Variants in RANBP9 observed in about 807,000 individuals in gnomAD.
The protein encoded by RANBP9 is ran-binding protein 9.
In RANBP9, 15 loss-of-function variants were observed where a neutral mutation model predicts 84.3. The observed-to-expected ratio is 0.18, with a 90% CI of 0.12 to 0.27. The LOEUF is 0.27. RANBP9 is among the 10% of genes least tolerant of loss of function. RANBP9 has a pLI of 1.00. For missense variants in RANBP9, 809 were observed against 912.8 expected, an observed-to-expected ratio of 0.89 and a Z score of 1.46; for synonymous variants, 392 against 349.6, an observed-to-expected ratio of 1.12 and a Z score of -1.35.
intron 2 of RANBP9, among the ~76,000 whole-genome samples, chr6:13,673,411 A>G (rs1765817574): frequency 6.6e-6 from 1 of 152,274 alleles, no homozygotes; most frequent in South Asian, 2.1e-4. Context: ...TTCTTCAGAG[A>G]AAAGGAAAAT....
At chr6:13,708,588 T>C (rs1758189151) in intron 1 of RANBP9, among the ~76,000 whole-genome samples, 1 of 152,204 alleles carries the variant, frequency 6.6e-6, no homozygotes, top group Non-Finnish European at 1.5e-5. Context: ...AATATATGAA[T>C]AGTAGTTTTT....
chr6:13,622,288 C>T lies in RANBP9; in HGVS notation c.*74G>A. 7.4e-7 allele frequency: 1 copy of T among 1,344,868 alleles called. No homozygotes were observed. The highest frequency in any genetic ancestry group is 9.7e-7 in the Non-Finnish European group (1 of 1,033,582). The allele number at this position is 1,344,868 out of a possible 1,614,324, so 83.3% of individuals were successfully genotyped here. On this transcript the variant is annotated 3_prime_UTR_variant, in exon 14 of 14. Transcript: ENST00000011619. ...TACATAATTTAAAAAATCTAAATTTCAAATCAGCAGAGCTGGTCTACTTCC... is the reference window on the plus strand; with the variant it reads ...TACATAATTTAAAAAATCTAAATTTTAAATCAGCAGAGCTGGTCTACTTCC...
Position 13,707,665 on chromosome 6 carries a change from A to G in RANBP9, c.571+3270T>C, listed in dbSNP as rs191979558. Reference sequence around the variant, plus strand: ...TAACCTCCAGGTTCTACCACTCTCTAAAATTTAAAATGAAAATTCCAGGAT... The same window carrying G: ...TAACCTCCAGGTTCTACCACTCTCTGAAATTTAAAATGAAAATTCCAGGAT... On this transcript the variant is annotated intron_variant, in intron 1 of 13. Coordinates refer to ENST00000011619, the MANE Select transcript of RANBP9 (RefSeq NM_005493.3). 3.3e-5 allele frequency among the ~76,000 whole-genome samples: 5 copies of G among 152,330 alleles called. No individual in the cohort carries two copies. In the East Asian group the frequency reaches 9.6e-4, roughly 29 times the overall value.
intron 2 of RANBP9, among the ~76,000 whole-genome samples, chr6:13,660,590 G>C (rs1354657172): frequency 6.6e-6 from 1 of 152,118 alleles, no homozygotes; most frequent in Admixed American, 6.5e-5. Flanking sequence ...TACATTTCAA[G>C]ACATATTCCA....
chr6:13,657,340 A>G, intron 3 of RANBP9, 64 bp from the exon 4 acceptor site: 1 of 1,371,880 alleles, frequency 7.3e-7, no homozygotes, highest in Non-Finnish European at 1.0e-6. Context: ...AGGTTTATTC[A>G]CTAAGATTAT....
intron 1 of RANBP9, among the ~76,000 whole-genome samples, chr6:13,701,394 G>C (rs1267013130): frequency 6.6e-6 from 1 of 152,018 alleles, no homozygotes. Context: ...CCTCTCAATG[G>C]CTTAGTCCAC....
intron 2 of RANBP9, among the ~76,000 whole-genome samples, chr6:13,667,672 T>C (rs1765683095): frequency 6.6e-6 from 1 of 152,166 alleles, no homozygotes; most frequent in Non-Finnish European, 1.5e-5. Context: ...TTCCCTATTG[T>C]AACACAATAA....
chr6:13,656,285 T>C (rs1225509886), intron 4 of RANBP9, among the ~76,000 whole-genome samples: 1 of 152,172 alleles, frequency 6.6e-6, no homozygotes. Flanking sequence ...CCTTTCATTT[T>C]ACCTCATTAA....
chr6:13,625,265 C>G (rs1053842181), intron 13 of RANBP9, among the ~76,000 whole-genome samples: 5 of 152,136 alleles, frequency 3.3e-5, no homozygotes, highest in African/African-American at 1.2e-4. Context: ...AAATCAGTGG[C>G]AGAAAATGCC....
At chr6:13,687,889 A>G (rs1181501891) in intron 2 of RANBP9, among the ~76,000 whole-genome samples, 1 of 152,248 alleles carries the variant, frequency 6.6e-6, no homozygotes, top group Non-Finnish European at 1.5e-5. Context: ...AACACCCATT[A>G]GCATTAGAAG....
chr6:13,675,816 C>A (rs1765873935), intron 2 of RANBP9, among the ~76,000 whole-genome samples: 1 of 150,648 alleles, frequency 6.6e-6, no homozygotes, highest in Non-Finnish European at 1.5e-5. Flanking sequence ...AATACTGATC[C>A]CAGACATTAA....
chr6:13,636,804 G>A (rs145592743), intron 10 of RANBP9, among the ~76,000 whole-genome samples: 8 of 152,060 alleles, frequency 5.3e-5, no homozygotes, highest in African/African-American at 1.7e-4. Flanking sequence ...GTAAATTTTT[G>A]TCACGTGTGA....
Position 13,644,720 on chromosome 6 carries a change from A to G in RANBP9, c.937T>C (p.Tyr313His). The change falls in exon 6 of 14, where the codon TAT (tyrosine) becomes CAT (histidine). Residue 313 changes from tyrosine to histidine, a missense_variant. Around this residue, in one of 5 missense-constraint regions of RANBP9, gnomAD observed 216 missense variants for 329.0 expected, o/e 0.66. Transcript: ENST00000011619. Reference sequence around the variant, plus strand: ...GGTGTTTGAAGCCCCACAGTAGGATACAAATTTGGCTGTAAGATAGCATAT... The same window carrying G: ...GGTGTTTGAAGCCCCACAGTAGGATGCAAATTTGGCTGTAAGATAGCATAT... ...IAFTDLPPNL[Y>H]PTVGLQTPGE... is the part of the protein sequence containing the mutation. 1 of 1,596,208 alleles carries G rather than the reference A, an allele frequency of 6.3e-7. No individual in the cohort carries two copies. Among genetic ancestry groups the G allele is most frequent in the Non-Finnish European group, 8.5e-7 (1 of 1,172,798 alleles).
rs1416803916 is a variant in RANBP9, at chr6:13,633,642, C to T, written c.1795+789G>A. Among the ~76,000 whole-genome samples, 5 of 152,176 alleles carry T rather than the reference C, an allele frequency of 3.3e-5. No homozygotes were observed. In the East Asian group the frequency reaches 9.6e-4, roughly 29 times the overall value. Reference sequence around the variant, plus strand: ...TGGCTCTAGAACTCCTGCTCTTTATCACTGTACTTAAATTACTCTTCAGAA... The same window carrying T: ...TGGCTCTAGAACTCCTGCTCTTTATTACTGTACTTAAATTACTCTTCAGAA... On this transcript the variant is annotated intron_variant, in intron 11 of 13. Coordinates refer to ENST00000011619, the MANE Select transcript of RANBP9 (RefSeq NM_005493.3).
intron 12 of RANBP9, among the ~76,000 whole-genome samples, chr6:13,628,941 T>C (rs189933171): frequency 1.1e-3 from 170 of 152,024 alleles, no homozygotes; most frequent in African/African-American, 3.9e-3. Flanking sequence ...ATAATGTTCA[T>C]ATTCTTTGAC....
chr6:13,663,289 A>G lies in RANBP9; in HGVS notation c.684-4457T>C, dbSNP rs980193682. Among the ~76,000 whole-genome samples the G allele has an allele frequency of 5.9e-5, 9 of 152,300 alleles. No individual in the cohort carries two copies. In the East Asian group the frequency reaches 1.3e-3, roughly 23 times the overall value. ...AAATCTTTAAAAGTGCTAAAAAGAA[A>G]AAAAACCCAAAAGCCTGCCAACACA... On this transcript the variant is annotated intron_variant, in intron 2 of 13. Transcript: ENST00000011619.
chr6:13,627,734 G>A (rs1486023197), intron 12 of RANBP9, among the ~76,000 whole-genome samples: 1 of 150,906 alleles, frequency 6.6e-6, no homozygotes, highest in African/African-American at 2.4e-5. Flanking sequence ...CATACCCATA[G>A]TACAGATAAA....
intron 5 of RANBP9, among the ~76,000 whole-genome samples, chr6:13,650,341 T>C (rs1325376073): frequency 6.6e-6 from 1 of 151,928 alleles, no homozygotes; most frequent in Non-Finnish European, 1.5e-5. Context: ...TTTTCTATTA[T>C]AATTTTGATT....
chr6:13,646,750 T>TA (rs1562303285), intron 5 of RANBP9, among the ~76,000 whole-genome samples: 1 of 151,870 alleles, frequency 6.6e-6, no homozygotes, highest in African/African-American at 2.4e-5. Context: ...AATGACTCTC[T>TA]AGAAAAAAAA....
Sources: gnomAD v4.1 joint callset for allele counts (sites outside exome capture counted in the v4.1 genomes callset) on GRCh38, gnomAD v4.1.1 for gene constraint, gnomAD v4.1.1 regional missense constraint, MANE v1.5 for transcripts, NCBI Gene and HGNC (gene_info 2026-07-23, HGNC 2026-07-21) for gene names.